ASIC2: variants seen among roughly 807,000 people sequenced by gnomAD.
The protein encoded by ASIC2 is acid sensing ion channel subunit 2, also known as acid-sensing ion channel 2.
ASIC2 carries 25 observed loss-of-function variants against 57.3 expected under a neutral mutation model. The observed-to-expected ratio is 0.44, with a 90% confidence interval of 0.32 to 0.61. The LOEUF (loss-of-function observed/expected upper bound fraction) is 0.61, where lower values mean the gene tolerates loss of function less well. ASIC2 is among the 20% of genes least tolerant of loss of function. The probability of loss-of-function intolerance (pLI) is 0.06; values close to 1 mark genes in which losing one functional copy is unlikely to be tolerated. For missense variants in ASIC2, 641 were observed against 738.1 expected (o/e 0.87, Z 1.52); for synonymous variants, 319 against 307.5 (o/e 1.04, Z -0.39).
intron 1 of ASIC2, among the ~76,000 whole-genome samples, chr17:33,695,432 A>G (rs530135822): frequency 6.6e-6 from 1 of 152,174 alleles, no homozygotes; most frequent in Non-Finnish European, 1.5e-5. Flanking sequence ...TAGTTTTTTT[A>G]AAAAATTAAA....
intron 4 of ASIC2, 94 bp downstream of exon 4, chr17:33,028,148 G>A (rs1211706613): frequency 1.8e-5 from 27 of 1,477,606 alleles, no homozygotes; most frequent in African/African-American, 9.8e-5. Context: ...GGATCCCAGC[G>A]AAGTGGGTGA....
rs1411163140 is a variant in ASIC2, at chr17:33,433,605, T to C, written c.556-321538A>G. ...ACCCCGTCTAAAATACAAAAATTAG[T>C]GGGGCGTGGTGGTGTGTGCCTGTAG... is the stretch of plus-strand genomic sequence containing the variant. On this transcript the variant is annotated intron_variant, in intron 1 of 9. Transcript: ENST00000359872. Among the ~76,000 whole-genome samples the C allele has an allele frequency of 2.6e-5, 4 of 151,702 alleles. No homozygotes were observed. In the East Asian group the frequency reaches 5.9e-4, roughly 22 times the overall value.
At chr17:33,793,093 T>A (rs907471987) in intron 1 of ASIC2, among the ~76,000 whole-genome samples, 1 of 152,192 alleles carries the variant, frequency 6.6e-6, no homozygotes, top group South Asian at 2.1e-4. Flanking sequence ...AAAGAATGAA[T>A]GAAAAATAAG....
chr17:33,391,592 C>T lies in ASIC2; in HGVS notation c.556-279525G>A, dbSNP rs141094887. ...GACTTATGTGGTCTCAGGACTTTGA[C>T]GATCACCTCTCCTTGCCTTGACCTT... On this transcript the variant is annotated intron_variant, in intron 1 of 9. Transcript: ENST00000359872. Among the ~76,000 whole-genome samples the T allele has an allele frequency of 1.8e-3, 276 of 152,314 alleles. 1 individual carries two copies. Among genetic ancestry groups the T allele is most frequent in the African/African-American group, 6.2e-3 (258 of 41,568 alleles).
chr17:33,291,232 T>C (rs996470385), intron 1 of ASIC2, 176 bp downstream of exon 1: 83 of 1,356,830 alleles, frequency 6.1e-5, no homozygotes, highest in Non-Finnish European at 6.9e-5. Context: ...AAGTCCAAGT[T>C]CCCACAACCT....
intron 1 of ASIC2, among the ~76,000 whole-genome samples, chr17:33,822,825 A>T (rs996638972): frequency 6.6e-6 from 1 of 152,234 alleles, no homozygotes; most frequent in African/African-American, 2.4e-5. Context: ...GGATCATGGC[A>T]GGAAAGATGT....
intron 1 of ASIC2, among the ~76,000 whole-genome samples, chr17:33,321,702 T>A (rs1567822421): frequency 6.6e-6 from 1 of 152,204 alleles, no homozygotes; most frequent in Non-Finnish European, 1.5e-5. Context: ...AGGTTGTGAT[T>A]ACCCTGTATC....
chr17:33,317,445 C>T (rs1396719615), intron 1 of ASIC2, among the ~76,000 whole-genome samples: 3 of 152,218 alleles, frequency 2.0e-5, no homozygotes, highest in Non-Finnish European at 1.5e-5. Flanking sequence ...TGTCTTTGAG[C>T]TCTGTATGGT....
chr17:34,038,624 C>A, intron 1 of ASIC2: 1 of 1,597,466 alleles, frequency 6.3e-7, no homozygotes, highest in East Asian at 2.2e-5. Context: ...TTTTACTTCC[C>A]TGATATGTAG....
At chr17:33,610,213 A>T (rs890110233) in intron 1 of ASIC2, among the ~76,000 whole-genome samples, 1 of 152,170 alleles carries the variant, frequency 6.6e-6, no homozygotes, top group African/African-American at 2.4e-5. Context: ...GCTAGAGTGC[A>T]GTGGCACGAT....
At chr17:33,800,790 C>T (rs1198876191) in intron 1 of ASIC2, among the ~76,000 whole-genome samples, 1 of 152,140 alleles carries the variant, frequency 6.6e-6, no homozygotes, top group Non-Finnish European at 1.5e-5. Flanking sequence ...AAGTGTTTTC[C>T]ATGCAGTCAA....
At chr17:33,611,900 T>C (rs1193371232) in intron 1 of ASIC2, among the ~76,000 whole-genome samples, 1 of 152,172 alleles carries the variant, frequency 6.6e-6, no homozygotes, top group East Asian at 1.9e-4. Flanking sequence ...CATGCAGTTA[T>C]AGAGGCTCAG....
chr17:33,902,187 G>C (rs1032070647), intron 1 of ASIC2, among the ~76,000 whole-genome samples: 1 of 152,102 alleles, frequency 6.6e-6, no homozygotes, highest in Non-Finnish European at 1.5e-5. Flanking sequence ...TGTGACTCAG[G>C]ATTGAGAATT....
At chr17:33,169,365 C>A (rs189438027) in intron 1 of ASIC2, among the ~76,000 whole-genome samples, 44 of 152,276 alleles carry the variant, frequency 2.9e-4, no homozygotes, top group South Asian at 4.1e-4. Context: ...GCTTAGACAG[C>A]ATTTGAACAA....
At chr17:34,137,619 G>C (rs1158103875) in intron 1 of ASIC2, among the ~76,000 whole-genome samples, 2 of 152,202 alleles carry the variant, frequency 1.3e-5, no homozygotes, top group African/African-American at 4.8e-5. Flanking sequence ...CATCACTTTT[G>C]TCTTAGTCTG....
chr17:33,233,610 C>T (rs1908189282), intron 1 of ASIC2, among the ~76,000 whole-genome samples: 1 of 151,364 alleles, frequency 6.6e-6, no homozygotes. Context: ...CCACATCTGC[C>T]TTTCAACTGG....
intron 1 of ASIC2, among the ~76,000 whole-genome samples, chr17:33,656,295 A>G (rs1223968993): frequency 6.6e-6 from 1 of 152,214 alleles, no homozygotes; most frequent in East Asian, 1.9e-4. Context: ...AAAGAGAATC[A>G]GATTGACACC....
intron 1 of ASIC2, among the ~76,000 whole-genome samples, chr17:33,369,811 T>C (rs184908529): frequency 1.3e-5 from 2 of 152,340 alleles, no homozygotes; most frequent in Admixed American, 6.5e-5. Flanking sequence ...GTTGTTGTTA[T>C]TGAGTTATGC....
chr17:33,730,092 A>C (rs747701945), intron 1 of ASIC2, among the ~76,000 whole-genome samples: 1 of 152,214 alleles, frequency 6.6e-6, no homozygotes, highest in Non-Finnish European at 1.5e-5. Context: ...ATACAGGTTC[A>C]GCAGGGAAGG....
Sources: allele counts gnomAD v4.1 joint callset (sites outside exome capture counted in the v4.1 genomes callset), GRCh38; gene constraint gnomAD v4.1.1; transcripts MANE v1.5; gene names NCBI Gene and HGNC (gene_info 2026-07-23, HGNC 2026-07-21).